The following NRP1 variants were observed in gnomAD, a reference collection of about 807,000 sequenced individuals.
The protein encoded by NRP1 is neuropilin-1.
In NRP1, 35 loss-of-function variants were observed where a neutral mutation model predicts 106.7. The ratio of observed to expected loss-of-function variants is 0.33; its 90% CI spans 0.25 to 0.43. The LOEUF (loss-of-function observed/expected upper bound fraction) is 0.43, where lower values mean the gene tolerates loss of function less well. Ranked by LOEUF, NRP1 falls within the 20% of genes least tolerant of loss-of-function variation. The pLI, the probability that NRP1 is intolerant of heterozygous loss-of-function variation, is 1.00. For missense variants in NRP1, 1,024 were observed against 1,170.4 expected, an observed-to-expected ratio of 0.87 and a Z score of 1.83; for synonymous variants, 437 against 417.9, an observed-to-expected ratio of 1.05 and a Z score of -0.56.
intron 2 of NRP1, among the ~76,000 whole-genome samples, chr10:33,322,681 C>A (rs1012497674): frequency 1.1e-4 from 17 of 152,198 alleles, no homozygotes; most frequent in African/African-American, 4.1e-4. Context: ...CCACTCTGGC[C>A]AAGTTTCAAT....
At chr10:33,247,529 C>T (rs1203748840) in intron 6 of NRP1, among the ~76,000 whole-genome samples, 3 of 152,134 alleles carry the variant, frequency 2.0e-5, no homozygotes, top group East Asian at 1.9e-4. Context: ...ACCCTGGGGC[C>T]GAGGGTGGCA....
At position 33,256,410 on chromosome 10, in the gene NRP1, C is replaced by T. The variant is rs142485008; in HGVS notation, c.720G>A (p.Ser240=). Residue 240 remains serine, a synonymous_variant, in exon 5 of 17, where the codon TCG becomes TCA. Coordinates refer to ENST00000374867, the MANE Select transcript of NRP1 (RefSeq NM_003873.7). ...TGTAAAAAACCATGGAGAGAATGCC[C>T]GATGAGGATCGGATTCGACCTGGTG... is the stretch of plus-strand genomic sequence containing the variant. ...QKTPGRIRSS[S]GILSMVFYTD... is the part of the protein sequence containing the mutation. The T allele has an allele frequency of 3.7e-5, 60 of 1,614,114 alleles. No individual in the cohort carries two copies. The highest frequency in any genetic ancestry group is 1.9e-4 in the South Asian group (17 of 91,080).
rs1465644349 is a variant in NRP1 at position 33,226,224 on chromosome 10, G to A, written c.1047C>T (p.Thr349=). 6.2e-7 allele frequency: 1 copy of A among 1,614,136 alleles called. No homozygotes were observed. Among genetic ancestry groups the A allele is most frequent in the East Asian group, 2.2e-5 (1 of 44,878 alleles). ...VGTQGAISKE[T]KKKYYVKTYK... The stretch of plus-strand genomic sequence containing the variant: ...AAGTCTTGACATAATATTTCTTCTT[G>A]GTTTCTTTTGAAATGGCGCCCTGTG... The change falls in exon 7 of 17, where the codon ACC becomes ACT. Residue 349 remains threonine, a synonymous_variant. Coordinates refer to ENST00000374867, the MANE Select transcript of NRP1 (RefSeq NM_003873.7).
intron 2 of NRP1, among the ~76,000 whole-genome samples, chr10:33,314,021 T>TTTCC (rs61246126): frequency 0.42 from 59,591 of 142,332 alleles, 14,389 homozygotes; most frequent in East Asian, 0.58. Flanking sequence ...TCCTTCCTTC[T>TTTCC]CTCTCTCTCT....
At chr10:33,305,373 G>T (rs1292499560) in intron 2 of NRP1, among the ~76,000 whole-genome samples, 1 of 152,148 alleles carries the variant, frequency 6.6e-6, no homozygotes, top group Non-Finnish European at 1.5e-5. Flanking sequence ...CTGCCCTTAA[G>T]GATGACACAG....
chr10:33,305,074 T>C (rs2065364), intron 2 of NRP1, among the ~76,000 whole-genome samples: 107,818 of 152,160 alleles, frequency 0.71, 38,466 homozygotes, highest in Admixed American at 0.76. Flanking sequence ...AACTACTCCA[T>C]AGCACATGGG....
intron 13 of NRP1, among the ~76,000 whole-genome samples, chr10:33,189,426 A>G (rs1271711656): frequency 6.6e-6 from 1 of 152,180 alleles, no homozygotes; most frequent in African/African-American, 2.4e-5. Context: ...TACATGGTCC[A>G]TTGTCACTGG....
At chr10:33,212,894 C>T (rs939639592) in intron 9 of NRP1, 10 of 277,742 alleles carry the variant, frequency 3.6e-5, no homozygotes, top group Admixed American at 2.4e-4. Context: ...TGGTCTCGAA[C>T]TCCTGAGCTC....
At chr10:33,205,711 T>G (rs1242594333) in intron 10 of NRP1, 3 of 155,946 alleles carry the variant, frequency 1.9e-5, no homozygotes, top group African/African-American at 7.2e-5. Context: ...AAGTACAGGG[T>G]CTGGAAAATA....
chr10:33,264,516 C>T (rs1842788571), intron 3 of NRP1, among the ~76,000 whole-genome samples: 1 of 152,312 alleles, frequency 6.6e-6, no homozygotes, highest in East Asian at 1.9e-4. Context: ...CCGGAAGTCA[C>T]CTGATATCAA....
intron 2 of NRP1, among the ~76,000 whole-genome samples, chr10:33,292,985 CA>C (rs141085175): frequency 3.5e-3 from 486 of 137,262 alleles, no homozygotes; most frequent in African/African-American, 9.8e-3. Flanking sequence ...GACTCCATCT[CA>C]AAAAAAAAAA....
chr10:33,260,256 G>C (rs1419009144), intron 4 of NRP1, among the ~76,000 whole-genome samples: 1 of 152,074 alleles, frequency 6.6e-6, no homozygotes, highest in Non-Finnish European at 1.5e-5. Context: ...ATATTTTTCT[G>C]AAATTAATAC....
intron 2 of NRP1, among the ~76,000 whole-genome samples, chr10:33,287,747 G>A (rs143838720): frequency 6.2e-4 from 95 of 152,244 alleles, no homozygotes; most frequent in Non-Finnish European, 1.1e-3. Context: ...TGGAAGGAAT[G>A]GCATAGACAG....
chr10:33,199,055 C>T (rs1837016751), intron 11 of NRP1, among the ~76,000 whole-genome samples: 1 of 152,058 alleles, frequency 6.6e-6, no homozygotes, highest in Non-Finnish European at 1.5e-5. Context: ...TCCCACTGTT[C>T]ATCATTATAC....
chr10:33,326,287 A>G (rs1411175832), intron 2 of NRP1, among the ~76,000 whole-genome samples: 2 of 152,212 alleles, frequency 1.3e-5, no homozygotes, highest in Non-Finnish European at 2.9e-5. Context: ...AGAAAACTTT[A>G]GTGGAGTAAG....
chr10:33,206,125 C>G, intron 10 of NRP1: 1 of 484,516 alleles, frequency 2.1e-6, no homozygotes, highest in Non-Finnish European at 4.2e-6. Context: ...TGCCACCAGG[C>G]TGTCTTTTCA....
chr10:33,304,010 C>T (rs1845977596), intron 2 of NRP1, among the ~76,000 whole-genome samples: 1 of 152,184 alleles, frequency 6.6e-6, no homozygotes, highest in Non-Finnish European at 1.5e-5. Context: ...TCTTGAGAAT[C>T]TGTTTTTCCT....
chr10:33,312,510 A>G (rs1846676354), intron 2 of NRP1, among the ~76,000 whole-genome samples: 1 of 152,246 alleles, frequency 6.6e-6, no homozygotes. Flanking sequence ...CCTTTGCAAA[A>G]ATGCTATTGT....
chr10:33,286,234 G>T (rs1844525928), intron 2 of NRP1, among the ~76,000 whole-genome samples: 1 of 152,174 alleles, frequency 6.6e-6, no homozygotes, highest in African/African-American at 2.4e-5. Context: ...ATTGCATAAA[G>T]GTTGTTGAGA....
Sources: gnomAD v4.1 joint callset for allele counts (sites outside exome capture counted in the v4.1 genomes callset) on GRCh38, gnomAD v4.1.1 for gene constraint, MANE v1.5 for transcripts, NCBI Gene and HGNC (gene_info 2026-07-23, HGNC 2026-07-21) for gene names.